The following ABLIM2 variants were observed in gnomAD, a reference collection of about 807,000 sequenced individuals.
The protein encoded by ABLIM2 is actin binding LIM protein family member 2, also known as actin-binding LIM protein 2.
A neutral mutation model predicts 97.7 loss-of-function variants in ABLIM2; 53 were observed. That is an observed-to-expected ratio of 0.54 (90% CI 0.44 to 0.68). The LOEUF is 0.68. Ranked by LOEUF, ABLIM2 falls within the 30% of genes least tolerant of loss-of-function variation. The pLI is 0.00. For synonymous variants in ABLIM2, 361 were observed against 345.8 expected (o/e 1.04, Z -0.49); for missense variants, 835 against 867.2 (o/e 0.96, Z 0.47).
At chr4:8,039,053 G>C (rs1002366363) in intron 9 of ABLIM2, among the ~76,000 whole-genome samples, 1 of 152,116 alleles carries the variant, frequency 6.6e-6, no homozygotes, top group Non-Finnish European at 1.5e-5. Context: ...CAACAAGTTA[G>C]TGTTGATCTT....
At chr4:7,973,496 G>A (rs1012896583) in intron 20 of ABLIM2, among the ~76,000 whole-genome samples, 3 of 147,134 alleles carry the variant, frequency 2.0e-5, no homozygotes, top group African/African-American at 5.0e-5. Flanking sequence ...GTGAGACTAC[G>A]TCTTGAAAAA....
intron 20 of ABLIM2, among the ~76,000 whole-genome samples, chr4:7,973,075 C>CTGTGTGTGAG (rs1729451647): frequency 2.4e-5 from 3 of 123,976 alleles, no homozygotes; most frequent in African/African-American, 9.2e-5. Flanking sequence ...GCTCCCCTTG[C>CTGTGTGTGAG]TGTGTGTGTG....
intron 1 of ABLIM2, among the ~76,000 whole-genome samples, chr4:8,109,643 T>C (rs1839326855): frequency 6.6e-6 from 1 of 152,182 alleles, no homozygotes; most frequent in African/African-American, 2.4e-5. Flanking sequence ...ACCTGGGTCA[T>C]GCTGGGGCCG....
chr4:8,030,141 C>T (rs896098504), intron 10 of ABLIM2, among the ~76,000 whole-genome samples: 11 of 152,330 alleles, frequency 7.2e-5, no homozygotes, highest in East Asian at 3.9e-4. Flanking sequence ...GTGAGAACCA[C>T]GGAGACTCCC....
intron 2 of ABLIM2, among the ~76,000 whole-genome samples, chr4:8,103,603 T>A (rs547571506): frequency 6.6e-6 from 1 of 152,316 alleles, no homozygotes; most frequent in Admixed American, 6.5e-5. Flanking sequence ...TGGTCACTAA[T>A]CATCTTGGGT....
intron 2 of ABLIM2, among the ~76,000 whole-genome samples, chr4:8,106,198 C>A (rs1837317872): frequency 6.6e-6 from 1 of 152,200 alleles, no homozygotes; most frequent in Non-Finnish European, 1.5e-5. Flanking sequence ...AGGTGGCCAC[C>A]TTCCTCTGGC....
At chr4:8,042,702 G>A (rs1789510043) in intron 9 of ABLIM2, among the ~76,000 whole-genome samples, 2 of 152,078 alleles carry the variant, frequency 1.3e-5, no homozygotes, top group Admixed American at 1.3e-4. Flanking sequence ...AGCTGGGTGT[G>A]GTGGCACATG....
rs1465808486 is a variant in ABLIM2 at position 8,128,823 on chromosome 4, C to T, written c.11-22186G>A. Among the ~76,000 whole-genome samples the T allele has an allele frequency of 2.0e-5, 3 of 152,320 alleles. No individual in the cohort carries two copies. The highest frequency in any genetic ancestry group is 3.9e-4 in the East Asian group (2 of 5,184). On this transcript the variant is annotated intron_variant, in intron 1 of 20. Transcript: ENST00000447017. The surrounding 1 kb of genome is among the most constrained non-coding windows in gnomAD (Gnocchi z 4.9). The stretch of plus-strand genomic sequence containing the variant: ...TGTAAGAAGAGGCCAGAGGCTGCCT[C>T]GCTCTTTCTACCACATGAGGGTGCG...
In ABLIM2 at chr4:8,140,776, G is replaced by A. The variant is rs35705922; in HGVS notation, c.10+17904C>T. ...ATGTGGAAGGAGGGAAAGGGCTGAC[G>A]ATATTCAGAAAAGAGTGCATTTACC... is the stretch of plus-strand genomic sequence containing the variant. On this transcript the variant is annotated intron_variant, in intron 1 of 20. Coordinates refer to ENST00000447017, the MANE Select transcript of ABLIM2 (RefSeq NM_001130083.2). This position sits in a 1 kb window ranked among gnomAD's most constrained non-coding sequence, Gnocchi z 5.9. Among the ~76,000 whole-genome samples, 38,689 of 151,924 alleles carry A rather than the reference G, an allele frequency of 0.25. 6,352 individuals are homozygous for A. Among genetic ancestry groups the A allele is most frequent in the African/African-American group, 0.47 (19,476 of 41,328 alleles).
chr4:8,126,642 C>T (rs1214925970), intron 1 of ABLIM2, among the ~76,000 whole-genome samples: 1 of 152,034 alleles, frequency 6.6e-6, no homozygotes, highest in East Asian at 1.9e-4. Flanking sequence ...TCATGCTGTC[C>T]CCCGAGCAGG....
At chr4:8,146,429 G>A (rs1002839056) in intron 1 of ABLIM2, among the ~76,000 whole-genome samples, 3 of 152,222 alleles carry the variant, frequency 2.0e-5, no homozygotes, top group African/African-American at 7.2e-5. Context: ...AATGAGATTT[G>A]CAAAGCTGTA....
rs918091160 is a variant in ABLIM2 at position 8,003,634 on chromosome 4, C to T, written c.1618+4425G>A. 8.1e-5 allele frequency among the ~76,000 whole-genome samples: 12 copies of T among 148,438 alleles called. No homozygotes were observed. In the South Asian group the frequency reaches 1.3e-3, roughly 16 times the overall value. ...AGGCTGGAGTGCAATGGTGCAATCT[C>T]GGCTTACTGCAACCTCTGCCTCCTG... On this transcript the variant is annotated intron_variant, in intron 16 of 20. Coordinates refer to ENST00000447017, the MANE Select transcript of ABLIM2 (RefSeq NM_001130083.2). This position sits in a 1 kb window ranked among gnomAD's most constrained non-coding sequence, Gnocchi z 4.2.
intron 14 of ABLIM2, among the ~76,000 whole-genome samples, chr4:8,017,767 G>A (rs1037370305): frequency 6.6e-6 from 1 of 152,192 alleles, no homozygotes; most frequent in Non-Finnish European, 1.5e-5. Flanking sequence ...GCTGAAGCGG[G>A]TGGATCACAA....
intron 12 of ABLIM2, among the ~76,000 whole-genome samples, chr4:8,026,435 G>T (rs1055958873): frequency 6.6e-6 from 1 of 152,250 alleles, no homozygotes; most frequent in Non-Finnish European, 1.5e-5. Context: ...CCAAAGCAAT[G>T]ATGATGAGGT....
chr4:8,056,138 A>AAAAAAAAAAAAAAAAAC, intron 7 of ABLIM2, among the ~76,000 whole-genome samples: 1 of 142,170 alleles, frequency 7.0e-6, no homozygotes, highest in Non-Finnish European at 1.6e-5. Flanking sequence ...AAAAAAAAAA[A>AAAAAAAAAAAAAAAAAC]AGTAACAGAT....
At chr4:8,045,120 C>T (rs578185895) in intron 9 of ABLIM2, 44 bp downstream of exon 9, 3 of 1,581,326 alleles carry the variant, frequency 1.9e-6, no homozygotes, top group South Asian at 2.2e-5. Context: ...CCCCTTCTCT[C>T]TCCACCCTCC....
At chr4:8,006,687 G>C (rs540404616) in intron 16 of ABLIM2, among the ~76,000 whole-genome samples, 3 of 152,186 alleles carry the variant, frequency 2.0e-5, no homozygotes, top group Non-Finnish European at 4.4e-5. Flanking sequence ...CCAGCCAGGG[G>C]CAGGGATTCC....
intron 7 of ABLIM2, among the ~76,000 whole-genome samples, chr4:8,059,137 A>G (rs1801268751): frequency 1.3e-5 from 2 of 152,098 alleles, no homozygotes; most frequent in South Asian, 4.1e-4. Flanking sequence ...GGAATGAATA[A>G]GCAATACATA....
chr4:8,053,007 G>C (rs568118038), intron 8 of ABLIM2, among the ~76,000 whole-genome samples: 43 of 152,348 alleles, frequency 2.8e-4, no homozygotes, highest in African/African-American at 1.0e-3. Flanking sequence ...GTGTCCTCAG[G>C]TCCTGGACCA....
Sources: gnomAD v4.1 joint callset for allele counts (sites outside exome capture counted in the v4.1 genomes callset) on GRCh38, gnomAD v4.1.1 for gene constraint, Gnocchi (gnomAD v3.1) non-coding constraint, MANE v1.5 for transcripts, NCBI Gene and HGNC (gene_info 2026-07-23, HGNC 2026-07-21) for gene names.